RPE65: variants seen among roughly 807,000 people sequenced by gnomAD.
The protein encoded by RPE65 is retinoid isomerohydrolase.
RPE65 carries 58 observed loss-of-function variants against 68.5 expected under a neutral mutation model. That is an observed-to-expected ratio of 0.85 (90% CI 0.69 to 1.05). The LOEUF (loss-of-function observed/expected upper bound fraction) is 1.05, where lower values mean the gene tolerates loss of function less well. RPE65 is among the 50% of genes least tolerant of loss of function. The probability of loss-of-function intolerance (pLI) is 0.00; values close to 1 mark genes in which losing one functional copy is unlikely to be tolerated. For synonymous variants in RPE65, 220 were observed against 222.2 expected, an observed-to-expected ratio of 0.99 and a Z score of 0.09; for missense variants, 643 against 629.9, an observed-to-expected ratio of 1.02 and a Z score of -0.22.
At chr1:68,448,764 T>C (rs1043075790) in intron 1 of RPE65, 58 bp from the exon 2 acceptor site, 4 of 1,496,000 alleles carry the variant, frequency 2.7e-6, no homozygotes, top group Non-Finnish European at 2.8e-6. Flanking sequence ...TCCGCAGAGA[T>C]AGAGGCAGAG....
chr1:68,431,996 T>C (rs1645830465), intron 10 of RPE65, among the ~76,000 whole-genome samples: 2 of 151,882 alleles, frequency 1.3e-5, no homozygotes, highest in Admixed American at 1.3e-4. Context: ...AGAATGTATA[T>C]TTCGTTCACA....
chr1:68,432,066 A>T (rs1645830886), intron 10 of RPE65, among the ~76,000 whole-genome samples: 1 of 151,622 alleles, frequency 6.6e-6, no homozygotes, highest in South Asian at 2.1e-4. Context: ...GTTGACAAAA[A>T]GAAAAAAAAA....
intron 2 of RPE65, 52 bp from the exon 3 acceptor site, chr1:68,446,912 G>C (rs1645946965): frequency 6.2e-7 from 1 of 1,611,132 alleles, no homozygotes; most frequent in Non-Finnish European, 8.5e-7. Flanking sequence ...CTTGGGCTAG[G>C]CTTGTCCTTG....
intron 6 of RPE65, 43 bp downstream of exon 6, chr1:68,440,810 T>C (rs1645896697): frequency 6.2e-7 from 1 of 1,608,470 alleles, no homozygotes; most frequent in East Asian, 2.2e-5. Context: ...TTTCTCACAA[T>C]ATAGACACTT....
intron 2 of RPE65, among the ~76,000 whole-genome samples, chr1:68,447,168 A>G (rs1295800143): frequency 6.6e-6 from 1 of 152,192 alleles, no homozygotes; most frequent in Non-Finnish European, 1.5e-5. Context: ...ATTTCCCCAA[A>G]CACCAATCCA....
intron 10 of RPE65, among the ~76,000 whole-genome samples, chr1:68,435,543 C>A (rs3125893): frequency 1.3e-5 from 2 of 152,100 alleles, no homozygotes; most frequent in South Asian, 2.1e-4. Context: ...AAGAGTACAA[C>A]GTACTTTTAT....
intron 2 of RPE65, among the ~76,000 whole-genome samples, chr1:68,448,143 C>T (rs752180908): frequency 3.9e-5 from 6 of 152,156 alleles, no homozygotes; most frequent in Non-Finnish European, 8.8e-5. Context: ...AATTGAGGCT[C>T]AGAACGTTTA....
chr1:68,435,141 C>T (rs1403530732), intron 10 of RPE65, among the ~76,000 whole-genome samples: 2 of 152,008 alleles, frequency 1.3e-5, no homozygotes, highest in African/African-American at 2.4e-5. Context: ...TGTGACGTTA[C>T]TCTCTCTTAG....
chr1:68,432,737 G>C (rs999780425), intron 10 of RPE65, among the ~76,000 whole-genome samples: 3 of 152,200 alleles, frequency 2.0e-5, no homozygotes, highest in African/African-American at 7.2e-5. Flanking sequence ...TTCAGCACAG[G>C]AGTGAGATGC....
chr1:68,432,348 G>A (rs1346624852), intron 10 of RPE65, among the ~76,000 whole-genome samples: 1 of 152,038 alleles, frequency 6.6e-6, no homozygotes, highest in Admixed American at 6.6e-5. Context: ...AAATGTGGGG[G>A]AAAAATAGAA....
chr1:68,443,854 A>C (rs1451330871), intron 5 of RPE65, among the ~76,000 whole-genome samples: 1 of 152,178 alleles, frequency 6.6e-6, no homozygotes, highest in Non-Finnish European at 1.5e-5. Flanking sequence ...AGATTCCCTA[A>C]GTTCTCCATA....
At chr1:68,436,014 AG>A (rs371493683) in intron 10 of RPE65, among the ~76,000 whole-genome samples, 1 of 152,232 alleles carries the variant, frequency 6.6e-6, no homozygotes, top group African/African-American at 2.4e-5. Context: ...TGATTATTAC[AG>A]TTCCCTATTC....
At chr1:68,441,499 G>C (rs1254609733) in intron 5 of RPE65, among the ~76,000 whole-genome samples, 1 of 151,892 alleles carries the variant, frequency 6.6e-6, no homozygotes, top group Non-Finnish European at 1.5e-5. Flanking sequence ...AGTATAGAAA[G>C]TCTTAATTTA....
chr1:68,438,135 A>G, intron 10 of RPE65, 52 bp downstream of exon 10: 12 of 1,608,780 alleles, frequency 7.5e-6, no homozygotes, highest in Non-Finnish European at 9.4e-6. Flanking sequence ...ACAATTCCTG[A>G]GAGAGATGAA....
Position 68,440,958 on chromosome 1 carries a change from G to T in RPE65, c.538C>A (p.His180Asn). The T allele has an allele frequency of 6.2e-7, 1 of 1,613,968 alleles. No individual in the cohort carries two copies. Among genetic ancestry groups the T allele is most frequent in the Non-Finnish European group, 8.5e-7 (1 of 1,179,916 alleles). The change falls in exon 6 of 14, where the codon CAC becomes AAC. Residue 180 changes from histidine (H) to asparagine (N), a missense_variant. Transcript: ENST00000262340. ...NYVSVNGATAHPHIENDGTVY... is the reference protein window; with the variant it reads ...NYVSVNGATANPHIENDGTVY... ...GTTCCATCATTTTCAATGTGGGGGT[G>T]AGCAGTGGCCCCATTGACAGAGACA...
chr1:68,449,950 T>G lies in RPE65; in HGVS notation c.-45A>C. ...CAGAGTTCTGGCACCAACTGCAGAA[T>G]GAAGAAGGAAGTTCTCAGCCAGGGG... On this transcript the variant is annotated 5_prime_UTR_variant, in exon 1 of 14. Transcript: ENST00000262340. 6.2e-7 allele frequency: 1 copy of G among 1,613,204 alleles called. No individual in the cohort carries two copies. Among genetic ancestry groups the G allele is most frequent in the Non-Finnish European group, 8.5e-7 (1 of 1,179,242 alleles).
intron 2 of RPE65, among the ~76,000 whole-genome samples, 164 bp downstream of exon 2, chr1:68,448,460 G>A (rs1331256958): frequency 6.6e-6 from 1 of 152,122 alleles, no homozygotes; most frequent in Non-Finnish European, 1.5e-5. Context: ...ATAAAGTAAA[G>A]GCGAATGAAA....
chr1:68,445,203 T>C (rs1266457411), intron 3 of RPE65, among the ~76,000 whole-genome samples: 1 of 152,042 alleles, frequency 6.6e-6, no homozygotes, highest in African/African-American at 2.4e-5. Flanking sequence ...ACTTTCTATA[T>C]CACACCATGC....
chr1:68,443,918 A>G (rs1645922023), intron 5 of RPE65, among the ~76,000 whole-genome samples: 1 of 152,188 alleles, frequency 6.6e-6, no homozygotes, highest in Admixed American at 6.5e-5. Flanking sequence ...ATTTCATTCA[A>G]GATATAGCTT....
Sources: gnomAD v4.1 joint callset for allele counts (sites outside exome capture counted in the v4.1 genomes callset) on GRCh38, gnomAD v4.1.1 for gene constraint, MANE v1.5 for transcripts, NCBI Gene and HGNC (gene_info 2026-07-23, HGNC 2026-07-21) for gene names.